CCSER1: variants seen among roughly 807,000 people sequenced by gnomAD.
CCSER1 encodes coiled-coil serine rich protein 1.
CCSER1 carries 41 observed loss-of-function variants against 82.0 expected under a neutral mutation model. The observed-to-expected ratio is 0.50, with a 90% CI of 0.39 to 0.65. The LOEUF (loss-of-function observed/expected upper bound fraction) is 0.65. Among genes scored for constraint, CCSER1 ranks in the 30% least tolerant of loss-of-function variants. The pLI, the probability that CCSER1 is intolerant of heterozygous loss-of-function variation, is 0.00. For missense variants in CCSER1, 1,119 were observed against 1,064.2 expected (o/e 1.05, Z -0.72); for synonymous variants, 414 against 383.9 (o/e 1.08, Z -0.92).
chr4:90,489,805 A>G (rs1767686856), intron 5 of CCSER1, among the ~76,000 whole-genome samples: 1 of 152,048 alleles, frequency 6.6e-6, no homozygotes, highest in African/African-American at 2.4e-5. Context: ...GTTTGCTGAG[A>G]ATGATGGTTT....
intron 1 of CCSER1, among the ~76,000 whole-genome samples, chr4:90,137,734 G>T (rs1204895507): frequency 1.3e-5 from 2 of 152,188 alleles, no homozygotes; most frequent in East Asian, 1.9e-4. Flanking sequence ...TGACGCAGAG[G>T]AGCTATCCAG....
Position 90,978,655 on chromosome 4 carries a change from A to G in CCSER1, c.2172+55208A>G, listed in dbSNP as rs188106936. ...GTGAGATTGAAATTGCAATCTCAAA[A>G]TTAGATTTTGTGATGAGGGATCTGT... On this transcript the variant is annotated intron_variant, in intron 9 of 10. Transcript: ENST00000509176. 4.6e-3 allele frequency among the ~76,000 whole-genome samples: 704 copies of G among 151,892 alleles called. 9 individuals carry two copies. Among genetic ancestry groups the G allele is most frequent in the African/African-American group, 0.016 (646 of 41,504 alleles).
intron 10 of CCSER1, among the ~76,000 whole-genome samples, chr4:91,480,461 T>A (rs1178716692): frequency 6.6e-6 from 1 of 152,186 alleles, no homozygotes; most frequent in Non-Finnish European, 1.5e-5. Context: ...GGTATCTCAT[T>A]GTGGTTTTGA....
intron 10 of CCSER1, among the ~76,000 whole-genome samples, chr4:91,375,821 A>G (rs1225105861): frequency 6.6e-6 from 1 of 150,926 alleles, no homozygotes; most frequent in Non-Finnish European, 1.5e-5. Context: ...GGATTACTCA[A>G]AAGTCTAGAA....
intron 8 of CCSER1, among the ~76,000 whole-genome samples, chr4:90,828,178 A>G (rs1458015521): frequency 6.6e-6 from 1 of 152,168 alleles, no homozygotes; most frequent in East Asian, 1.9e-4. Flanking sequence ...ATGTCCACCT[A>G]TATCCAACAT....
chr4:90,993,444 T>C (rs1737211813), intron 9 of CCSER1, among the ~76,000 whole-genome samples: 1 of 151,566 alleles, frequency 6.6e-6, no homozygotes, highest in African/African-American at 2.4e-5. Context: ...TGCTTGATAT[T>C]ATTATGCTTA....
intron 7 of CCSER1, among the ~76,000 whole-genome samples, chr4:90,789,421 TC>T (rs1302261883): frequency 6.6e-6 from 1 of 152,198 alleles, no homozygotes; most frequent in African/African-American, 2.4e-5. Context: ...TACATGAATA[TC>T]CTAGTGATTC....
rs184323811 is a variant in CCSER1, at chr4:91,558,878, A to C, written c.2218-39694A>C. Among the ~76,000 whole-genome samples, 356 of 151,666 alleles carry C rather than the reference A, an allele frequency of 2.3e-3. 3 individuals carry two copies. The South Asian group carries it at 0.032, about 14-fold the overall frequency. ...GGTGAGGACACAGCCAAACCATATCACCATTAATAATACTGGATGTAAGTA... is the reference window on the plus strand; with the variant it reads ...GGTGAGGACACAGCCAAACCATATCCCCATTAATAATACTGGATGTAAGTA... On this transcript the variant is annotated intron_variant, in intron 10 of 10. Transcript: ENST00000509176.
chr4:90,980,434 C>A (rs1393734578), intron 9 of CCSER1, among the ~76,000 whole-genome samples: 1 of 151,716 alleles, frequency 6.6e-6, no homozygotes, highest in African/African-American at 2.4e-5. Flanking sequence ...CATAGACCTT[C>A]ATGAAAGTAA....
intron 7 of CCSER1, among the ~76,000 whole-genome samples, chr4:90,739,139 A>G (rs534981186): frequency 1.9e-4 from 29 of 152,310 alleles, no homozygotes; most frequent in Admixed American, 1.8e-3. Context: ...CCTGCCTGCT[A>G]CTGCTCATTA....
chr4:91,457,437 C>A (rs1756243868), intron 10 of CCSER1, among the ~76,000 whole-genome samples: 1 of 151,980 alleles, frequency 6.6e-6, no homozygotes, highest in African/African-American at 2.4e-5. Flanking sequence ...GACCCCAAGA[C>A]AGGAGATCAC....
At chr4:90,672,623 G>C (rs1426941214) in intron 6 of CCSER1, among the ~76,000 whole-genome samples, 1 of 151,882 alleles carries the variant, frequency 6.6e-6, no homozygotes, top group Admixed American at 6.6e-5. Flanking sequence ...TGTTTTCTTT[G>C]CTTTCACAAC....
At chr4:91,403,502 G>T (rs1273130503) in intron 10 of CCSER1, among the ~76,000 whole-genome samples, 3 of 152,142 alleles carry the variant, frequency 2.0e-5, no homozygotes, top group African/African-American at 7.2e-5. Flanking sequence ...TCCAGCTTTT[G>T]CCCACTCAGT....
chr4:90,128,494 CGTGT>C (rs147426828), intron 1 of CCSER1, among the ~76,000 whole-genome samples: 53 of 150,044 alleles, frequency 3.5e-4, no homozygotes, highest in South Asian at 3.2e-3. Flanking sequence ...AGGTTGTGTG[CGTGT>C]GTGTGTGTGT....
At chr4:91,182,743 A>T (rs755311666) in intron 10 of CCSER1, among the ~76,000 whole-genome samples, 1 of 152,216 alleles carries the variant, frequency 6.6e-6, no homozygotes, top group Non-Finnish European at 1.5e-5. Context: ...CTCCTATTTG[A>T]TGTGTAGCCC....
At chr4:90,539,563 C>T (rs760207031) in intron 5 of CCSER1, among the ~76,000 whole-genome samples, 1 of 152,082 alleles carries the variant, frequency 6.6e-6, no homozygotes, top group Non-Finnish European at 1.5e-5. Flanking sequence ...CACTGGAATA[C>T]AGACTCTAAT....
rs1764785829 is a variant in CCSER1 at position 91,600,665 on chromosome 4, C to T, written c.*1608C>T. ...AGCCATTAGACACTCCACCCCTGAG[C>T]TTTAACTACTGAACTTTGATACATT... On this transcript the variant is annotated 3_prime_UTR_variant, in exon 11 of 11. Transcript: ENST00000509176. 6.6e-6 allele frequency: 1 copy of T among 152,124 alleles called. No individual in the cohort carries two copies. The highest frequency in any genetic ancestry group is 2.1e-4 in the South Asian group (1 of 4,832). The allele number at this position is 152,124 out of a possible 1,614,324, so 9.4% of individuals were successfully genotyped here.
At chr4:90,780,600 A>C in intron 7 of CCSER1, 1 of 1,474,310 alleles carries the variant, frequency 6.8e-7, no homozygotes, top group Non-Finnish European at 8.9e-7. Flanking sequence ...AAGGAAAAGA[A>C]ATAGGCAAAG....
intron 10 of CCSER1, among the ~76,000 whole-genome samples, chr4:91,440,072 C>G (rs1481421716): frequency 1.3e-5 from 2 of 151,998 alleles, no homozygotes; most frequent in African/African-American, 2.4e-5. Flanking sequence ...AGAAAGTTAA[C>G]AAGGATACCC....
Sources: allele counts gnomAD v4.1 joint callset (sites outside exome capture counted in the v4.1 genomes callset), GRCh38; gene constraint gnomAD v4.1.1; transcripts MANE v1.5; gene names NCBI Gene and HGNC (gene_info 2026-07-23, HGNC 2026-07-21).